The following P4HA3 variants were observed in gnomAD, a reference collection of about 807,000 sequenced individuals.
P4HA3 encodes the protein prolyl 4-hydroxylase subunit alpha 3, also known as prolyl 4-hydroxylase subunit alpha-3.
A neutral mutation model predicts 66.7 loss-of-function variants in P4HA3; 60 were observed. That is an observed-to-expected ratio of 0.90 (90% CI 0.73 to 1.12). The LOEUF is 1.12. P4HA3 is among the 50% of genes most tolerant of loss of function. The probability of loss-of-function intolerance (pLI) is 0.00; values close to 1 mark genes in which losing one functional copy is unlikely to be tolerated. For synonymous variants in P4HA3, 263 were observed against 274.6 expected (o/e 0.96, Z 0.42); for missense variants, 683 against 685.8 (o/e 1.00, Z 0.05).
chr11:74,283,088 T>A (rs1860664013), intron 7 of P4HA3, among the ~76,000 whole-genome samples: 1 of 152,104 alleles, frequency 6.6e-6, no homozygotes, highest in African/African-American at 2.4e-5. Context: ...CTGTCTTCAG[T>A]TCCCATGGGG....
In P4HA3 at chr11:74,268,290, T is replaced by C. The variant is rs1367487714; in HGVS notation, c.1468-49A>G. Reference sequence around the variant, plus strand: ...AGGGAGGGTCAGCCCAGAACCTCAGTCCTCGGGAAGCACATACTAAGGACA... The same window carrying C: ...AGGGAGGGTCAGCCCAGAACCTCAGCCCTCGGGAAGCACATACTAAGGACA... On this transcript the variant is annotated intron_variant, in intron 11 of 12. Coordinates refer to ENST00000331597, the MANE Select transcript of P4HA3 (RefSeq NM_182904.5). The C allele has an allele frequency of 2.7e-6, 4 of 1,481,666 alleles. No individual in the cohort carries two copies. The African/African-American group carries it at 5.5e-5, about 21-fold the overall frequency. 91.8% of individuals were successfully genotyped at this position (1,481,666 alleles called of 1,614,324 possible). A position where few individuals can be genotyped will look rare whatever the true frequency, so the allele number is the denominator to read the frequency against.
chr11:74,283,494 C>T (rs1860678398), intron 7 of P4HA3, among the ~76,000 whole-genome samples: 4 of 152,216 alleles, frequency 2.6e-5, no homozygotes, highest in Admixed American at 2.0e-4. Flanking sequence ...TCTGCTGTTA[C>T]AGTCTTCCTT....
At chr11:74,291,467 A>G (rs1861021572) in intron 4 of P4HA3, among the ~76,000 whole-genome samples, 2 of 152,314 alleles carry the variant, frequency 1.3e-5, no homozygotes, top group East Asian at 3.9e-4. Flanking sequence ...CCCTGGCCAG[A>G]ACTTCCAACA....
chr11:74,261,257 C>T (rs934228373), intron 14 of P4HA3, among the ~76,000 whole-genome samples: 1 of 151,858 alleles, frequency 6.6e-6, no homozygotes, highest in Non-Finnish European at 1.5e-5. Context: ...GGGTCTGGGG[C>T]TTTTTATGGA....
Position 74,302,422 on chromosome 11 carries a change from T to C in P4HA3, c.514A>G (p.Ser172Gly). Residue 172 changes from serine (S) to glycine (G), a missense_variant, in exon 3 of 13, where the codon AGC becomes GGC. Ser to Gly is a moderately conservative substitution (Grantham distance 56). Transcript: ENST00000331597. ...VTGSAITDLY[S>G]PKRLFSLTGD... ...GTGAGAGAAAAGAGCCGTTTGGGGC[T>C]GTACAGGTCAGTGATGGCAGAGCCA... The C allele has an allele frequency of 6.2e-7, 1 of 1,614,148 alleles. No individual in the cohort carries two copies. Among genetic ancestry groups the C allele is most frequent in the East Asian group, 2.2e-5 (1 of 44,886 alleles).
Position 74,276,997 on chromosome 11 carries a change from A to C in P4HA3, c.1323T>G (p.Phe441Leu), listed in dbSNP as rs1860419943. Reference protein sequence around the residue: ...YGIGGHYEPHFDHATSPSSPL... With the variant: ...YGIGGHYEPHLDHATSPSSPL... Reference sequence around the variant, plus strand: ...ACTCCACCATTACCGTAGCATGGTCAAAGTGAGGCTCATAGTGTCCTCCGA... The same window carrying C: ...ACTCCACCATTACCGTAGCATGGTCCAAGTGAGGCTCATAGTGTCCTCCGA... Residue 441 changes from phenylalanine to leucine, a missense_variant, in exon 9 of 13, where the codon TTT becomes TTG. Physicochemically the swap from Phe to Leu is conservative, Grantham distance 22 (BLOSUM62 0). Transcript: ENST00000331597. 1 of 1,613,470 alleles carries C rather than the reference A, an allele frequency of 6.2e-7. No individual in the cohort carries two copies. The highest frequency in any genetic ancestry group is 8.5e-7 in the Non-Finnish European group (1 of 1,179,720).
At chr11:74,270,370 G>A (rs1025136258) in intron 10 of P4HA3, among the ~76,000 whole-genome samples, 1 of 152,174 alleles carries the variant, frequency 6.6e-6, no homozygotes, top group Non-Finnish European at 1.5e-5. Flanking sequence ...AAGCTAAGGA[G>A]TTTCATCACT....
intron 5 of P4HA3, among the ~76,000 whole-genome samples, chr11:74,287,793 G>C (rs1860850244): frequency 6.6e-6 from 1 of 152,134 alleles, no homozygotes; most frequent in Non-Finnish European, 1.5e-5. Flanking sequence ...GAGGCAGGTG[G>C]AACACTTGAG....
chr11:74,269,470 G>A (rs1860112548), intron 11 of P4HA3, among the ~76,000 whole-genome samples, 182 bp downstream of exon 11: 1 of 152,248 alleles, frequency 6.6e-6, no homozygotes. Flanking sequence ...AGAGGCACAA[G>A]TGACGAGCAT....
rs1860060994 is a variant in P4HA3 at position 74,268,232 on chromosome 11, G to A, written c.1477C>T (p.Leu493=). 6.2e-7 allele frequency: 1 copy of A among 1,613,686 alleles called. No homozygotes were observed. Among genetic ancestry groups the A allele is most frequent in the South Asian group, 1.1e-5 (1 of 91,018 alleles). ...CTCCTGTGCAGGTTCCACCAAAACA[G>A]TGCTGCATTCTGAAACAAGAGGGCC... ...LSVPVVRNAA[L]FWWNLHRSGE... is the part of the protein sequence containing the mutation. Residue 493 remains leucine, a synonymous_variant, in exon 12 of 13, where the codon CTG becomes TTG. Coordinates refer to ENST00000331597, the MANE Select transcript of P4HA3 (RefSeq NM_182904.5).
At position 74,279,454 on chromosome 11, in the gene P4HA3, T is replaced by C. The variant is rs2134747337; in HGVS notation, c.1111-2A>G. On this transcript the variant is annotated splice_acceptor_variant, in intron 7 of 12. Transcript: ENST00000331597. LOFTEE classifies it high-confidence loss of function. The stretch of plus-strand genomic sequence containing the variant: ...TGATGCCACCACTGACCTCTGTAGC[T>C]GGTGGGAAGAATGTAAGACAAAGTC... The C allele has an allele frequency of 1.2e-6, 2 of 1,613,882 alleles. No individual in the cohort carries two copies. Among genetic ancestry groups the C allele is most frequent in the South Asian group, 1.1e-5 (1 of 91,070 alleles).
rs148127546 is a variant in P4HA3, at chr11:74,271,561, T to C, written c.1399-1841A>G. Among the ~76,000 whole-genome samples, 301 of 152,120 alleles carry C rather than the reference T, an allele frequency of 2.0e-3. 1 individual carries two copies. Among genetic ancestry groups the C allele is most frequent in the Non-Finnish European group, 2.7e-3 (182 of 67,996 alleles). On this transcript the variant is annotated intron_variant, in intron 10 of 12. Transcript: ENST00000331597. ...TTTTTTAATAGAGACAGGGTCTCACTATGTTACCCAGGCTGGACTCGAACT... is the reference window on the plus strand; with the variant it reads ...TTTTTTAATAGAGACAGGGTCTCACCATGTTACCCAGGCTGGACTCGAACT...
chr11:74,264,910 C>A (rs1436729146), downstream of P4HA3, among the ~76,000 whole-genome samples: 1 of 152,182 alleles, frequency 6.6e-6, no homozygotes, highest in Admixed American at 6.5e-5. Context: ...GCCAGACTTT[C>A]CTGTGTCTCA....
chr11:74,280,765 G>C (rs1034609932), intron 7 of P4HA3, among the ~76,000 whole-genome samples: 2 of 152,044 alleles, frequency 1.3e-5, no homozygotes, highest in Non-Finnish European at 2.9e-5. Flanking sequence ...AGCAGTGCCT[G>C]GGGCAATGAG....
At chr11:74,280,564 C>G (rs1413099376) in intron 7 of P4HA3, among the ~76,000 whole-genome samples, 1 of 152,186 alleles carries the variant, frequency 6.6e-6, no homozygotes, top group African/African-American at 2.4e-5. Flanking sequence ...CTGCCTCTGT[C>G]ATCAGAATGT....
chr11:74,268,644 T>C (rs1860079892), intron 11 of P4HA3, among the ~76,000 whole-genome samples: 1 of 152,212 alleles, frequency 6.6e-6, no homozygotes, highest in East Asian at 1.9e-4. Context: ...CAGCCAAGCA[T>C]GTCATTAACT....
chr11:74,293,130 C>T (rs1861090059), intron 4 of P4HA3, among the ~76,000 whole-genome samples: 1 of 151,548 alleles, frequency 6.6e-6, no homozygotes, highest in Admixed American at 6.6e-5. Flanking sequence ...CTGGGTGCTC[C>T]TGTATTGGGT....
chr11:74,306,624 G>A (rs1296821946), intron 1 of P4HA3, among the ~76,000 whole-genome samples: 1 of 152,184 alleles, frequency 6.6e-6, no homozygotes, highest in Non-Finnish European at 1.5e-5. Context: ...AGACAGAGAT[G>A]AAAGTGAAAA....
chr11:74,281,798 G>A (rs574133277), intron 7 of P4HA3, among the ~76,000 whole-genome samples: 32 of 151,352 alleles, frequency 2.1e-4, no homozygotes, highest in Non-Finnish European at 3.1e-4. Context: ...TGGGTGCAGC[G>A]CACCAGCATG....
Sources: allele counts gnomAD v4.1 joint callset (sites outside exome capture counted in the v4.1 genomes callset), GRCh38; gene constraint gnomAD v4.1.1; transcripts MANE v1.5; gene names NCBI Gene and HGNC (gene_info 2026-07-23, HGNC 2026-07-21).